Variants in LDLRAD4 observed in about 807,000 individuals in gnomAD.
LDLRAD4 encodes low density lipoprotein receptor class A domain containing 4, also known as low-density lipoprotein receptor class A domain-containing protein 4.
A neutral mutation model predicts 17.0 loss-of-function variants in LDLRAD4; 5 were observed. That is an observed-to-expected ratio of 0.29 (90% CI 0.15 to 0.62). LDLRAD4 has a LOEUF of 0.62. Among genes scored for constraint, LDLRAD4 ranks in the 20% least tolerant of loss-of-function variants. The probability of loss-of-function intolerance (pLI) is 0.84; values close to 1 mark genes in which losing one functional copy is unlikely to be tolerated. For missense variants in LDLRAD4, 340 were observed against 424.7 expected (o/e 0.80, Z 1.75); for synonymous variants, 168 against 171.8 (o/e 0.98, Z 0.17).
At chr18:13,592,743 A>C (rs1265831730) in intron 3 of LDLRAD4, among the ~76,000 whole-genome samples, 1 of 152,180 alleles carries the variant, frequency 6.6e-6, no homozygotes, top group African/African-American at 2.4e-5. Flanking sequence ...AACTCTTGGA[A>C]ACCCAAGATA....
intron 2 of LDLRAD4, among the ~76,000 whole-genome samples, chr18:13,422,996 TG>T (rs1327758350): frequency 1.3e-5 from 2 of 152,198 alleles, no homozygotes; most frequent in African/African-American, 2.4e-5. Flanking sequence ...GGGTTAATCC[TG>T]GCAGTCCTCT....
At chr18:13,638,246 C>T (rs771095022) in intron 4 of LDLRAD4, among the ~76,000 whole-genome samples, 1 of 152,082 alleles carries the variant, frequency 6.6e-6, no homozygotes, top group African/African-American at 2.4e-5. Flanking sequence ...GCTCTCCAGC[C>T]TGGGCAACAT....
intron 1 of LDLRAD4, among the ~76,000 whole-genome samples, chr18:13,292,796 A>G (rs2046038704): frequency 6.6e-6 from 1 of 150,956 alleles, no homozygotes; most frequent in African/African-American, 2.4e-5. Flanking sequence ...GTGGGAGATC[A>G]ACACTCCTGA....
intron 1 of LDLRAD4, among the ~76,000 whole-genome samples, chr18:13,354,220 T>A (rs9947830): frequency 1.3e-5 from 2 of 151,886 alleles, no homozygotes; most frequent in South Asian, 2.1e-4. Context: ...ACCCAGTCTC[T>A]AAAAAAAGAA....
upstream of LDLRAD4, among the ~76,000 whole-genome samples, chr18:13,273,417 C>T (rs1173682416): frequency 1.3e-5 from 2 of 152,190 alleles, no homozygotes; most frequent in African/African-American, 4.8e-5. Flanking sequence ...CCTCCCGCCT[C>T]AGCTTCCTGA....
At chr18:13,375,163 A>G (rs947845327) in intron 1 of LDLRAD4, among the ~76,000 whole-genome samples, 4 of 152,134 alleles carry the variant, frequency 2.6e-5, no homozygotes, top group Non-Finnish European at 5.9e-5. Flanking sequence ...GCTTTGCCCA[A>G]GTTTACCTCT....
intron 1 of LDLRAD4, among the ~76,000 whole-genome samples, chr18:13,267,488 C>T (rs1599004415): frequency 6.6e-6 from 1 of 152,210 alleles, no homozygotes; most frequent in South Asian, 2.1e-4. Flanking sequence ...TGAAGCTGCC[C>T]AGGGGCATAG....
chr18:13,501,456 C>T (rs1487683773), intron 3 of LDLRAD4, among the ~76,000 whole-genome samples: 2 of 152,178 alleles, frequency 1.3e-5, no homozygotes, highest in African/African-American at 4.8e-5. Context: ...GCTGCATGGC[C>T]CAGACCCCAG....
At chr18:13,616,196 GGTGTT>G (rs2040047935) in intron 3 of LDLRAD4, 1 of 150,972 alleles carries the variant, frequency 6.6e-6, no homozygotes, top group African/African-American at 2.5e-5. Flanking sequence ...ACAGGCTGTG[GGTGTT>G]TAGTGGAATT....
chr18:13,564,156 A>G (rs2094569623), intron 3 of LDLRAD4, among the ~76,000 whole-genome samples: 1 of 152,314 alleles, frequency 6.6e-6, no homozygotes, highest in African/African-American at 2.4e-5. Context: ...TGTTGGTATT[A>G]TAGGCGTGAG....
intron 1 of LDLRAD4, among the ~76,000 whole-genome samples, chr18:13,261,291 A>G (rs1416174939): frequency 6.6e-6 from 1 of 152,118 alleles, no homozygotes; most frequent in African/African-American, 2.4e-5. Flanking sequence ...TAGATGATAG[A>G]TTTTCTTCAT....
chr18:13,617,447 A>G (rs965684480), intron 3 of LDLRAD4, among the ~76,000 whole-genome samples: 2 of 152,222 alleles, frequency 1.3e-5, no homozygotes, highest in Non-Finnish European at 2.9e-5. Flanking sequence ...AATCTTAGGA[A>G]AAAAATATGT....
In LDLRAD4 at chr18:13,398,846, G is replaced by T. The variant is rs754354747; in HGVS notation, c.40+11084G>T. On this transcript the variant is annotated intron_variant, in intron 2 of 5. Coordinates refer to ENST00000359446, the Ensembl canonical transcript of LDLRAD4. This position sits in a 1 kb window ranked among gnomAD's most constrained non-coding sequence, Gnocchi z 4.8. ...TATAGCAACCGTGTGTTGTTGCCTG[G>T]GACTCACTTCCCTACGGGGCATTGG... Among the ~76,000 whole-genome samples the T allele has an allele frequency of 7.9e-5, 12 of 152,142 alleles. No homozygotes were observed. The highest frequency in any genetic ancestry group is 1.2e-4 in the African/African-American group (5 of 41,432).
chr18:13,536,509 C>T (rs1414499564), intron 3 of LDLRAD4, among the ~76,000 whole-genome samples: 3 of 152,138 alleles, frequency 2.0e-5, no homozygotes, highest in South Asian at 2.1e-4. Context: ...TCTAGTAGCT[C>T]GTTTGTGTAT....
chr18:13,271,205 C>T (rs908696422), intron 1 of LDLRAD4, among the ~76,000 whole-genome samples: 1 of 152,214 alleles, frequency 6.6e-6, no homozygotes, highest in Non-Finnish European at 1.5e-5. Context: ...ATAGAACTGT[C>T]CTATTATACC....
At chr18:13,636,502 T>TGTTTTG (rs2042095837) in intron 4 of LDLRAD4, among the ~76,000 whole-genome samples, 1 of 142,094 alleles carries the variant, frequency 7.0e-6, no homozygotes, top group Admixed American at 7.2e-5. Context: ...TTTTTGTTTT[T>TGTTTTG]GTTTTTGTTT....
chr18:13,619,911 A>G (rs1167595600), intron 3 of LDLRAD4, among the ~76,000 whole-genome samples: 4 of 151,794 alleles, frequency 2.6e-5, no homozygotes, highest in Admixed American at 1.3e-4. Flanking sequence ...CATTCTCAAG[A>G]CACCAGCGCC....
exon 5 of LDLRAD4, chr18:13,643,392 C>T (rs2042776751): frequency 7.7e-7 from 1 of 1,294,378 alleles, no homozygotes; most frequent in South Asian, 2.1e-5. Context: ...CAGCGCCGCA[C>T]CGCGGCTGGG....
At chr18:13,485,576 G>T (rs2093203072) in intron 3 of LDLRAD4, among the ~76,000 whole-genome samples, 1 of 152,246 alleles carries the variant, frequency 6.6e-6, no homozygotes, top group Non-Finnish European at 1.5e-5. Flanking sequence ...TTGTAGAACA[G>T]AGATGTGCCC....
Sources: gnomAD v4.1 joint callset for allele counts (sites outside exome capture counted in the v4.1 genomes callset) on GRCh38, gnomAD v4.1.1 for gene constraint, Gnocchi (gnomAD v3.1) non-coding constraint, MANE v1.5 for transcripts, NCBI Gene and HGNC (gene_info 2026-07-23, HGNC 2026-07-21) for gene names.